The following FAM184B variants were observed in gnomAD, a reference collection of about 807,000 sequenced individuals.
The protein encoded by FAM184B is family with sequence similarity 184 member B.
In FAM184B, 111 loss-of-function variants were observed where a neutral mutation model predicts 135.9. The ratio of observed to expected loss-of-function variants is 0.82; its 90% confidence interval spans 0.70 to 0.96. The LOEUF is 0.96. FAM184B is among the 40% of genes least tolerant of loss of function. FAM184B has a pLI of 0.00. For missense variants in FAM184B, 1,375 were observed against 1,323.9 expected, an observed-to-expected ratio of 1.04 and a Z score of -0.60; for synonymous variants, 552 against 524.8, an observed-to-expected ratio of 1.05 and a Z score of -0.71.
At chr4:17,660,626 G>C (rs963159802) in intron 8 of FAM184B, among the ~76,000 whole-genome samples, 3 of 151,934 alleles carry the variant, frequency 2.0e-5, no homozygotes, top group African/African-American at 7.3e-5. Context: ...GGAAATGCTA[G>C]TTTAAAGCTG....
intron 1 of FAM184B, among the ~76,000 whole-genome samples, chr4:17,720,556 G>A (rs980730395): frequency 3.9e-5 from 6 of 152,106 alleles, no homozygotes; most frequent in African/African-American, 1.4e-4. Context: ...GTAAAATGGT[G>A]TAGCCACTGT....
intron 8 of FAM184B, among the ~76,000 whole-genome samples, chr4:17,664,188 G>A (rs775409900): frequency 1.1e-4 from 16 of 152,274 alleles, no homozygotes; most frequent in Non-Finnish European, 1.9e-4. Context: ...ACTGACATAG[G>A]TGGTATAGGT....
In FAM184B at chr4:17,781,130, G is replaced by T; in HGVS notation, c.141+29C>A. ...CCGGCTCGGGCGCCCCGGGCGTGCA[G>T]CTCGCTGGCCCGCTGCGCCCCACCT... On this transcript the variant is annotated intron_variant, in intron 1 of 17. Transcript: ENST00000265018. The surrounding 1 kb of genome is among the most constrained non-coding windows in gnomAD (Gnocchi z 6.5). 2.0e-6 allele frequency: 3 copies of T among 1,492,156 alleles called. No homozygotes were observed. In the South Asian group the frequency reaches 4.1e-5, roughly 20 times the overall value. 92.4% of individuals were successfully genotyped at this position (1,492,156 alleles called of 1,614,324 possible).
chr4:17,703,971 C>T (rs2108963425), intron 5 of FAM184B, among the ~76,000 whole-genome samples: 1 of 151,942 alleles, frequency 6.6e-6, no homozygotes, highest in African/African-American at 2.4e-5. Context: ...AATCAGGCTG[C>T]CGAGAGGTTA....
intron 6 of FAM184B, among the ~76,000 whole-genome samples, chr4:17,689,109 G>C (rs984666530): frequency 2.0e-5 from 3 of 151,990 alleles, no homozygotes; most frequent in African/African-American, 7.3e-5. Flanking sequence ...TTCTATACTC[G>C]ATCTGTAGGG....
intron 1 of FAM184B, among the ~76,000 whole-genome samples, chr4:17,751,901 G>C (rs2108988664): frequency 6.7e-6 from 1 of 148,326 alleles, no homozygotes; most frequent in Non-Finnish European, 1.5e-5. Flanking sequence ...GACAGGTAGA[G>C]GTGTGGCGGG....
intron 1 of FAM184B, among the ~76,000 whole-genome samples, chr4:17,770,883 A>G (rs1023559313): frequency 1.3e-5 from 2 of 152,246 alleles, no homozygotes; most frequent in African/African-American, 2.4e-5. Context: ...GTACAATTCA[A>G]TGGCTTTCAG....
intron 7 of FAM184B, among the ~76,000 whole-genome samples, chr4:17,688,116 A>G (rs1462878830): frequency 6.6e-6 from 1 of 152,184 alleles, no homozygotes; most frequent in East Asian, 1.9e-4. Flanking sequence ...GGGCAGAATC[A>G]AAGGCCCTGC....
rs1714890478 is a variant in FAM184B at position 17,630,418 on chromosome 4, C to A, written c.*2114G>T. On this transcript the variant is annotated 3_prime_UTR_variant, in exon 18 of 18. Transcript: ENST00000265018. The stretch of plus-strand genomic sequence containing the variant: ...TACAAAAGAGGCTCAGGGAGGCGCT[C>A]TTGCCTCTTCCACCATGTAAGGACA... 1 of 152,190 alleles carries A rather than the reference C, an allele frequency of 6.6e-6. No individual in the cohort carries two copies. The allele number at this position is 152,190 out of a possible 1,614,324, so 9.4% of individuals were successfully genotyped here.
In FAM184B at chr4:17,707,687, C is replaced by T. The variant is rs1560181775; in HGVS notation, c.992G>A (p.Arg331Lys). ...CCCACGACACTCCTGCAGCATCATT[C>T]TGTCTTTGGCAACAGCCAGCTTCTC... The part of the protein sequence containing the change: ...LGEKLAVAKD[R>K]MMLQECRGTQ... Residue 331 changes from arginine (R) to lysine (K), a missense_variant, in exon 3 of 18, where the codon AGA becomes AAA. By Grantham distance (26) the Arg-to-Lys change is conservative. Transcript: ENST00000265018. 12 of 1,551,834 alleles carry T rather than the reference C, an allele frequency of 7.7e-6. No homozygotes were observed. In the South Asian group the frequency reaches 1.3e-4, roughly 17 times the overall value.
intron 11 of FAM184B, among the ~76,000 whole-genome samples, chr4:17,652,346 T>A (rs966640348): frequency 6.6e-6 from 1 of 151,824 alleles, no homozygotes; most frequent in Non-Finnish European, 1.5e-5. Flanking sequence ...GGATGGTCTC[T>A]ATCTCCTGAC....
chr4:17,713,690 T>C (rs1269185110), intron 1 of FAM184B, among the ~76,000 whole-genome samples: 1 of 152,126 alleles, frequency 6.6e-6, no homozygotes, highest in Non-Finnish European at 1.5e-5. Context: ...ATAAGAAGGT[T>C]TGAGTAATGC....
At chr4:17,701,910 G>C (rs922611162) in intron 5 of FAM184B, among the ~76,000 whole-genome samples, 1 of 152,178 alleles carries the variant, frequency 6.6e-6, no homozygotes, top group African/African-American at 2.4e-5. Context: ...TTGAAATGTG[G>C]CTAGTGCCAC....
At chr4:17,641,547 T>C (rs60777810) in intron 13 of FAM184B, among the ~76,000 whole-genome samples, 79,418 of 133,506 alleles carry the variant, frequency 0.59, 24,156 homozygotes, top group East Asian at 0.89. Flanking sequence ...GGCGCGATCT[T>C]GGCTCACTGC....
Position 17,633,762 on chromosome 4 carries a change from T to G in FAM184B, c.3016A>C (p.Ser1006Arg). 6.4e-7 allele frequency: 1 copy of G among 1,551,454 alleles called. No homozygotes were observed. Among genetic ancestry groups the G allele is most frequent in the Middle Eastern group, 1.7e-4 (1 of 5,986 alleles). The change falls in exon 17 of 18, where the codon AGC (serine) becomes CGC (arginine). Residue 1006 changes from serine to arginine, a missense_variant. Transcript: ENST00000265018. ...CCACAGCTGGGGCTTGGGTCCAAGC[T>G]GGGTGATGTAGTTATTGGAGGGGCA... ...INAPPITTSP[S>R]LDPSPSCGRT...
intron 12 of FAM184B, among the ~76,000 whole-genome samples, chr4:17,646,299 A>G (rs1443053987): frequency 6.6e-6 from 1 of 151,934 alleles, no homozygotes; most frequent in African/African-American, 2.4e-5. Flanking sequence ...CTGCAACACT[A>G]TTCACAATAG....
chr4:17,699,517 AG>A (rs1716937652), intron 5 of FAM184B, among the ~76,000 whole-genome samples: 2 of 152,188 alleles, frequency 1.3e-5, no homozygotes, highest in Non-Finnish European at 2.9e-5. Context: ...ACTTTTCATT[AG>A]AATAAAATGC....
At position 17,658,431 on chromosome 4, in the gene FAM184B, G is replaced by C. The variant is rs563589893; in HGVS notation, c.1956C>G (p.Asn652Lys). 25 of 1,551,632 alleles carry C rather than the reference G, an allele frequency of 1.6e-5. No homozygotes were observed. In the East Asian group the frequency reaches 5.1e-4, roughly 32 times the overall value. The part of the protein sequence containing the change: ...QRELQETTQQ[N>K]HAMKAQLEAS... ...CCTCGAGCTGGGCTTTCATGGCGTG[G>C]TTCTGCTGAGTGGTCTCCTGGAGCT... The change falls in exon 10 of 18, where the codon AAC becomes AAG. Residue 652 changes from asparagine to lysine, a missense_variant. By Grantham distance (94) the Asn-to-Lys change is moderately conservative. Coordinates refer to ENST00000265018, the MANE Select transcript of FAM184B (RefSeq NM_015688.2).
chr4:17,727,304 GA>G (rs1455322740), intron 1 of FAM184B, among the ~76,000 whole-genome samples: 1 of 152,142 alleles, frequency 6.6e-6, no homozygotes, highest in African/African-American at 2.4e-5. Flanking sequence ...GACACCAGAG[GA>G]GGCACCAGGA....
Sources: gnomAD v4.1 joint callset for allele counts (sites outside exome capture counted in the v4.1 genomes callset) on GRCh38, gnomAD v4.1.1 for gene constraint, Gnocchi (gnomAD v3.1) non-coding constraint, MANE v1.5 for transcripts, NCBI Gene and HGNC (gene_info 2026-07-23, HGNC 2026-07-21) for gene names.